Variants in SLC16A7 observed in about 807,000 individuals in gnomAD.
SLC16A7 encodes solute carrier family 16 member 7.
SLC16A7 carries 33 observed loss-of-function variants against 34.9 expected under a neutral mutation model. The ratio of observed to expected loss-of-function variants is 0.94; its 90% CI spans 0.72 to 1.26. The LOEUF (loss-of-function observed/expected upper bound fraction) is 1.26, where lower values mean the gene tolerates loss of function less well. SLC16A7 is among the 50% of genes most tolerant of loss of function. The pLI is 0.00. For synonymous variants in SLC16A7, 201 were observed against 206.6 expected (o/e 0.97, Z 0.23); for missense variants, 573 against 578.1 (o/e 0.99, Z 0.09).
intron 1 of SLC16A7, among the ~76,000 whole-genome samples, chr12:59,639,177 T>C (rs990624359): frequency 3.5e-4 from 54 of 152,142 alleles, no homozygotes; most frequent in African/African-American, 1.2e-3. Flanking sequence ...TCCATCAATT[T>C]TGTTTGAGAC....
chr12:59,679,769 G>T (rs1864479201), intron 2 of SLC16A7, among the ~76,000 whole-genome samples: 1 of 152,158 alleles, frequency 6.6e-6, no homozygotes, highest in African/African-American at 2.4e-5. Context: ...ATGAATTAAT[G>T]AATGCTGGAG....
chr12:59,770,930 A>G (rs1038558595), intron 3 of SLC16A7, among the ~76,000 whole-genome samples: 11 of 152,148 alleles, frequency 7.2e-5, no homozygotes, highest in Admixed American at 6.6e-5. Context: ...GGTATGTTCT[A>G]TTGAAAAACT....
At chr12:59,732,295 C>T (rs2137247107) in intron 3 of SLC16A7, among the ~76,000 whole-genome samples, 1 of 152,170 alleles carries the variant, frequency 6.6e-6, no homozygotes, top group East Asian at 1.9e-4. Context: ...TGGCACATGC[C>T]TGAAATCCCA....
At chr12:59,597,510 G>A (rs753447936) in intron 1 of SLC16A7, among the ~76,000 whole-genome samples, 7 of 152,152 alleles carry the variant, frequency 4.6e-5, no homozygotes, top group Non-Finnish European at 8.8e-5. Flanking sequence ...AACTCAGAGG[G>A]TTGCAAACTT....
chr12:59,713,173 C>A (rs1412204387), intron 3 of SLC16A7, among the ~76,000 whole-genome samples: 1 of 152,036 alleles, frequency 6.6e-6, no homozygotes, highest in Non-Finnish European at 1.5e-5. Context: ...GCACCCACGA[C>A]CACACCCAGC....
intron 3 of SLC16A7, chr12:59,733,735 T>G (rs548504137): frequency 2.2e-4 from 99 of 455,998 alleles, no homozygotes; most frequent in South Asian, 1.5e-3. Context: ...AGCTCCCATC[T>G]CACCTCCAGG....
chr12:59,741,619 C>G (rs991281717), intron 3 of SLC16A7, among the ~76,000 whole-genome samples: 1 of 152,174 alleles, frequency 6.6e-6, no homozygotes, highest in East Asian at 1.9e-4. Flanking sequence ...ATTCTTTTCA[C>G]TGAATTTTAG....
intron 3 of SLC16A7, among the ~76,000 whole-genome samples, chr12:59,727,154 A>ATATATATATAT (rs1347337894): frequency 1.6e-4 from 19 of 117,274 alleles, no homozygotes; most frequent in South Asian, 2.8e-4. Flanking sequence ...AGATGGACAT[A>ATATATATATAT]TATATATATA....
intron 3 of SLC16A7, among the ~76,000 whole-genome samples, chr12:59,762,752 G>A (rs367995100): frequency 2.6e-5 from 4 of 151,428 alleles, no homozygotes; most frequent in African/African-American, 9.7e-5. Flanking sequence ...AGGCTGCAGT[G>A]TACTATAATA....
chr12:59,629,664 C>T (rs1360088044), intron 1 of SLC16A7, among the ~76,000 whole-genome samples: 4 of 151,922 alleles, frequency 2.6e-5, no homozygotes, highest in African/African-American at 9.7e-5. Flanking sequence ...GAATTCTTAT[C>T]CTTCAGATTT....
chr12:59,664,530 A>G (rs1372325142), intron 2 of SLC16A7: 1 of 152,184 alleles, frequency 6.6e-6, no homozygotes, highest in Non-Finnish European at 1.5e-5. Flanking sequence ...AAGAGTCACT[A>G]AACTATTAAT....
chr12:59,723,940 T>G (rs1414112594), intron 3 of SLC16A7, among the ~76,000 whole-genome samples: 6 of 152,054 alleles, frequency 3.9e-5, no homozygotes, highest in Admixed American at 2.6e-4. Context: ...CCAATTTTCA[T>G]CTTTTCATTC....
At chr12:59,664,415 T>A (rs1238816012) in intron 2 of SLC16A7, among the ~76,000 whole-genome samples, 1 of 152,048 alleles carries the variant, frequency 6.6e-6, no homozygotes, top group South Asian at 2.1e-4. Flanking sequence ...GTGTTATGTG[T>A]GATCAAGAAA....
intron 3 of SLC16A7, among the ~76,000 whole-genome samples, chr12:59,768,482 T>C (rs1325639807): frequency 6.6e-6 from 1 of 152,138 alleles, no homozygotes; most frequent in Non-Finnish European, 1.5e-5. Context: ...TATAATTTAC[T>C]TCTGATGAAA....
At chr12:59,633,070 G>C (rs1880256510) in intron 1 of SLC16A7, among the ~76,000 whole-genome samples, 2 of 151,932 alleles carry the variant, frequency 1.3e-5, no homozygotes, top group Non-Finnish European at 2.9e-5. Flanking sequence ...TCCGGGGGTG[G>C]ATATGACAAG....
At chr12:59,738,035 A>AT (rs1877803772) in intron 3 of SLC16A7, among the ~76,000 whole-genome samples, 1 of 152,190 alleles carries the variant, frequency 6.6e-6, no homozygotes, top group African/African-American at 2.4e-5. Flanking sequence ...TTTATATTAA[A>AT]TTATATCCTT....
intron 1 of SLC16A7, among the ~76,000 whole-genome samples, chr12:59,611,833 GA>G (rs1461642039): frequency 2.6e-5 from 4 of 152,180 alleles, no homozygotes; most frequent in African/African-American, 7.2e-5. Flanking sequence ...GTTCCAAAAT[GA>G]TTTCCTTTGA....
chr12:59,746,636 T>C (rs1388677381), intron 3 of SLC16A7, among the ~76,000 whole-genome samples: 1 of 152,210 alleles, frequency 6.6e-6, no homozygotes, highest in African/African-American at 2.4e-5. Flanking sequence ...TGGTTCAAGC[T>C]ATGTTAGCAT....
At chr12:59,771,994 T>C (rs2137443099) in intron 4 of SLC16A7, among the ~76,000 whole-genome samples, 1 of 152,288 alleles carries the variant, frequency 6.6e-6, no homozygotes, top group East Asian at 1.9e-4. Flanking sequence ...CATGCACATA[T>C]CTATTGACTC....
Sources: allele counts gnomAD v4.1 joint callset (sites outside exome capture counted in the v4.1 genomes callset), GRCh38; gene constraint gnomAD v4.1.1; transcripts MANE v1.5; gene names NCBI Gene and HGNC (gene_info 2026-07-23, HGNC 2026-07-21).